ALOX5AP: variants seen among roughly 807,000 people sequenced by gnomAD.
ALOX5AP encodes arachidonate 5-lipoxygenase-activating protein.
A neutral mutation model predicts 18.5 loss-of-function variants in ALOX5AP; 9 were observed. The ratio of observed to expected loss-of-function variants is 0.49; its 90% CI spans 0.29 to 0.85. ALOX5AP has a LOEUF of 0.85. Ranked by LOEUF, ALOX5AP falls within the 40% of genes least tolerant of loss-of-function variation. The pLI is 0.08. For synonymous variants in ALOX5AP, 81 were observed against 78.6 expected, an observed-to-expected ratio of 1.03 and a Z score of -0.16; for missense variants, 172 against 202.5, an observed-to-expected ratio of 0.85 and a Z score of 0.91.
intron 2 of ALOX5AP, among the ~76,000 whole-genome samples, chr13:30,746,260 G>T (rs948989298): frequency 1.3e-5 from 2 of 152,214 alleles, no homozygotes; most frequent in African/African-American, 4.8e-5. Context: ...GATTGTTGCT[G>T]CTTGGGCATC....
At chr13:30,761,670 A>C (rs1229963420) in intron 4 of ALOX5AP, among the ~76,000 whole-genome samples, 1 of 152,212 alleles carries the variant, frequency 6.6e-6, no homozygotes, top group African/African-American at 2.4e-5. Flanking sequence ...TAGAAGTCCA[A>C]GATCAAAGTG....
At chr13:30,734,429 C>T (rs2137800727), upstream of ALOX5AP, among the ~76,000 whole-genome samples, 1 of 152,318 alleles carries the variant, frequency 6.6e-6, no homozygotes, top group South Asian at 2.1e-4. Flanking sequence ...TGTTCCCTTT[C>T]AAAGTGAAGT....
chr13:30,738,749 C>T (rs116479715), intron 1 of ALOX5AP, among the ~76,000 whole-genome samples: 9 of 152,322 alleles, frequency 5.9e-5, no homozygotes, highest in East Asian at 1.9e-4. Flanking sequence ...GATGTCCTCC[C>T]GCAGGAGGCT....
chr13:30,741,831 G>GTTTTTTTTTTT (rs770976174), intron 1 of ALOX5AP, among the ~76,000 whole-genome samples: 3 of 133,954 alleles, frequency 2.2e-5, no homozygotes, highest in African/African-American at 5.7e-5. Flanking sequence ...ATGGTTTTCT[G>GTTTTTTTTTTT]TTTTTTTTTT....
chr13:30,715,400 C>T (rs1307844391), intron 1 of ALOX5AP, among the ~76,000 whole-genome samples: 5 of 152,202 alleles, frequency 3.3e-5, no homozygotes, highest in Non-Finnish European at 4.4e-5. Context: ...TATAGTTCTG[C>T]CACATTGCAG....
intron 4 of ALOX5AP, among the ~76,000 whole-genome samples, chr13:30,762,802 C>T (rs1365110923): frequency 6.6e-6 from 1 of 152,052 alleles, no homozygotes; most frequent in East Asian, 1.9e-4. Context: ...AAGATGCCTT[C>T]CCAGGATCTT....
chr13:30,754,872 C>A (rs1237279405), intron 3 of ALOX5AP, among the ~76,000 whole-genome samples: 1 of 152,252 alleles, frequency 6.6e-6, no homozygotes, highest in East Asian at 1.9e-4. Context: ...CAGTAACACA[C>A]TCCTTACCAG....
At chr13:30,731,414 C>A (rs1025987255), upstream of ALOX5AP, among the ~76,000 whole-genome samples, 13 of 151,108 alleles carry the variant, frequency 8.6e-5, no homozygotes, top group African/African-American at 3.2e-4. Context: ...CCCTCTCTTG[C>A]CCAGGCTGTA....
At chr13:30,748,563 G>C (rs1467528329) in intron 2 of ALOX5AP, among the ~76,000 whole-genome samples, 1 of 152,188 alleles carries the variant, frequency 6.6e-6, no homozygotes, top group Non-Finnish European at 1.5e-5. Context: ...GGGTTCATCA[G>C]TTCTGTTTTG....
intron 1 of ALOX5AP, among the ~76,000 whole-genome samples, chr13:30,740,994 G>A (rs1164524700): frequency 2.6e-5 from 4 of 151,980 alleles, no homozygotes; most frequent in Non-Finnish European, 4.4e-5. Context: ...CGGTATCCCT[G>A]GGGGATTAGT....
intron 1 of ALOX5AP, among the ~76,000 whole-genome samples, chr13:30,742,859 G>GCCCCCCCCCCCCCCCCCCCCC (rs11316477): frequency 5.7e-5 from 6 of 105,964 alleles, no homozygotes; most frequent in African/African-American, 1.9e-4. Context: ...GACCTTCACC[G>GCCCCCCCCCCCCCCCCCCCCC]CCCCCCCCCC....
chr13:30,737,931 T>C (rs1951733622), intron 1 of ALOX5AP, among the ~76,000 whole-genome samples: 1 of 152,200 alleles, frequency 6.6e-6, no homozygotes, highest in Non-Finnish European at 1.5e-5. Context: ...GATCCAGATG[T>C]ATGTCCAAGC....
At chr13:30,716,742 C>A (rs1325577068) in intron 1 of ALOX5AP, among the ~76,000 whole-genome samples, 1 of 152,198 alleles carries the variant, frequency 6.6e-6, no homozygotes, top group Non-Finnish European at 1.5e-5. Context: ...AGGGGTTCCC[C>A]AAACCACCCT....
At chr13:30,740,660 C>T (rs1284392830) in intron 1 of ALOX5AP, among the ~76,000 whole-genome samples, 2 of 152,096 alleles carry the variant, frequency 1.3e-5, no homozygotes, top group African/African-American at 4.8e-5. Flanking sequence ...AGCGGTAAAC[C>T]CTAGTTGAAT....
chr13:30,734,410 A>G (rs1334368968), upstream of ALOX5AP, among the ~76,000 whole-genome samples: 1 of 152,186 alleles, frequency 6.6e-6, no homozygotes. Flanking sequence ...CACTAGTTAC[A>G]GTGGTCCATG....
At chr13:30,719,064 G>A (rs17074909) in intron 1 of ALOX5AP, among the ~76,000 whole-genome samples, 20,238 of 152,162 alleles carry the variant, frequency 0.13, 1,373 homozygotes, top group South Asian at 0.21. Context: ...ACGAACTCAG[G>A]CATCACACTG....
rs375206548 is a variant in ALOX5AP, at chr13:30,759,192, A to C, written c.323+3167A>C. Among the ~76,000 whole-genome samples, 4 of 152,092 alleles carry C rather than the reference A, an allele frequency of 2.6e-5. No individual in the cohort carries two copies. The South Asian group carries it at 6.2e-4, about 24-fold the overall frequency. ...CTGAACTCAATGGCACCTGGCACCA[A>C]CTGGCAACTGACTCTTGGTCTTTTA... On this transcript the variant is annotated intron_variant, in intron 4 of 4. Transcript: ENST00000380490.
intron 1 of ALOX5AP, among the ~76,000 whole-genome samples, chr13:30,720,321 T>C (rs1389412293): frequency 6.6e-6 from 1 of 152,224 alleles, no homozygotes; most frequent in African/African-American, 2.4e-5. Flanking sequence ...TCATACGCAA[T>C]GTAAATTGTA....
At chr13:30,741,834 T>TG (rs1951768559) in intron 1 of ALOX5AP, among the ~76,000 whole-genome samples, 2 of 150,762 alleles carry the variant, frequency 1.3e-5, no homozygotes, top group South Asian at 4.2e-4. Context: ...GTTTTCTGTT[T>TG]TTTTTTTTTT....
Sources: gnomAD v4.1 joint callset for allele counts (sites outside exome capture counted in the v4.1 genomes callset) on GRCh38, gnomAD v4.1.1 for gene constraint, MANE v1.5 for transcripts, NCBI Gene and HGNC (gene_info 2026-07-23, HGNC 2026-07-21) for gene names.